The following DACH2 variants were observed in gnomAD, a reference collection of about 807,000 sequenced individuals.
DACH2 encodes the protein dachshund homolog 2.
DACH2 carries 17 observed loss-of-function variants against 35.8 expected under a neutral mutation model. That is an observed-to-expected ratio of 0.48 (90% CI 0.33 to 0.71). The LOEUF is 0.71. DACH2 is among the 30% of genes least tolerant of loss of function. The pLI is 0.02. For synonymous variants in DACH2, 195 were observed against 177.3 expected (o/e 1.10, Z -0.79); for missense variants, 469 against 472.7 (o/e 0.99, Z 0.07).
intron 2 of DACH2, among the ~76,000 whole-genome samples, chrX:86,390,150 C>T (rs753831145): frequency 9.0e-6 from 1 of 111,457 alleles, no homozygotes; most frequent in East Asian, 2.8e-4. Flanking sequence ...ATTTTGGAAT[C>T]ACCTGACAAA....
intron 1 of DACH2, among the ~76,000 whole-genome samples, chrX:86,285,953 G>C (rs2147990272): frequency 9.4e-6 from 1 of 106,500 alleles, no homozygotes; most frequent in East Asian, 3.0e-4. Context: ...TTGAAATCTA[G>C]TTTTTCTGAT....
At chrX:86,181,151 A>ACTAT (rs1435918113) in intron 1 of DACH2, among the ~76,000 whole-genome samples, 1 of 65,640 alleles carries the variant, frequency 1.5e-5, no homozygotes, top group Non-Finnish European at 2.9e-5. Context: ...CATATGTCTG[A>ACTAT]CTGTCTATCT....
rs139218982 is a variant in DACH2 at position 86,272,410 on chromosome X, C to G, written c.489-104414C>G. Among the ~76,000 whole-genome samples, 448 of 111,335 alleles carry G rather than the reference C, an allele frequency of 4.0e-3. 4 individuals are homozygous for G. The highest frequency in any genetic ancestry group is 0.014 in the African/African-American group (432 of 30,649). The stretch of plus-strand genomic sequence containing the variant: ...AGAACTAAAGGGTAGCAGTGCCTCA[C>G]ACTCCCTGCAAGTAGCTAGAGTTTA... On this transcript the variant is annotated intron_variant, in intron 1 of 11. Coordinates refer to ENST00000373125, the MANE Select transcript of DACH2 (RefSeq NM_053281.3).
At chrX:86,669,824 C>T (rs181145550) in intron 4 of DACH2, among the ~76,000 whole-genome samples, 2 of 111,174 alleles carry the variant, frequency 1.8e-5, no homozygotes, top group East Asian at 5.7e-4. Context: ...TCTGCTCACA[C>T]TGCCAAGCAG....
chrX:86,680,380 T>G (rs1379644717), intron 4 of DACH2, among the ~76,000 whole-genome samples: 1 of 111,856 alleles, frequency 8.9e-6, no homozygotes, highest in Non-Finnish European at 1.9e-5. Flanking sequence ...TTAAATTGCA[T>G]AAGTTAATCC....
chrX:86,582,879 G>A (rs2039520078), intron 3 of DACH2, among the ~76,000 whole-genome samples: 1 of 110,508 alleles, frequency 9.0e-6, no homozygotes, highest in Non-Finnish European at 1.9e-5. Flanking sequence ...GAAGCATCAC[G>A]CTGATGCCAA....
intron 1 of DACH2, among the ~76,000 whole-genome samples, chrX:86,295,119 G>T (rs1026099117): frequency 1.8e-5 from 2 of 111,698 alleles, no homozygotes; most frequent in African/African-American, 6.5e-5. Flanking sequence ...GATATAATCT[G>T]ATGCCCCGTT....
At chrX:86,727,879 A>G (rs1422612123) in intron 6 of DACH2, among the ~76,000 whole-genome samples, 1 of 112,000 alleles carries the variant, frequency 8.9e-6, no homozygotes, top group Non-Finnish European at 1.9e-5. Context: ...ATAGCGACGC[A>G]AGAAAGGCCT....
At chrX:86,289,616 C>T (rs1170176814) in intron 1 of DACH2, among the ~76,000 whole-genome samples, 2 of 89,687 alleles carry the variant, frequency 2.2e-5, no homozygotes, top group Non-Finnish European at 4.3e-5. Flanking sequence ...GTTCCCCTTC[C>T]TGTGTCCATG....
Position 86,765,241 on chromosome X carries a change from T to G in DACH2, c.1240+25359T>G, listed in dbSNP as rs7882398. ...GTTCTTTAATTTAATTAGGTGCCACTTGTCAATTTTTGTTTATGTTGCAAT... is the reference window on the plus strand; with the variant it reads ...GTTCTTTAATTTAATTAGGTGCCACGTGTCAATTTTTGTTTATGTTGCAAT... On this transcript the variant is annotated intron_variant, in intron 7 of 11. Transcript: ENST00000373125. 3.9e-3 allele frequency among the ~76,000 whole-genome samples: 442 copies of G among 111,903 alleles called. 2 individuals carry two copies. The highest frequency in any genetic ancestry group is 0.014 in the African/African-American group (423 of 30,806).
rs897479536 is a variant in DACH2, at chrX:86,453,300, C to T, written c.528-60979C>T. 1.3e-4 allele frequency among the ~76,000 whole-genome samples: 15 copies of T among 111,850 alleles called. 1 individual carries two copies. Among genetic ancestry groups the T allele is most frequent in the Admixed American group, 4.7e-4 (5 of 10,545 alleles). On this transcript the variant is annotated intron_variant, in intron 2 of 11. Coordinates refer to ENST00000373125, the MANE Select transcript of DACH2 (RefSeq NM_053281.3). ...AGAATACTGTATATTTTGCTGTTTT[C>T]GGGTGGAGAGTTCTGTCGATATCAG...
intron 2 of DACH2, among the ~76,000 whole-genome samples, chrX:86,401,642 A>G (rs1421699464): frequency 1.8e-5 from 2 of 110,332 alleles, no homozygotes; most frequent in Non-Finnish European, 3.8e-5. Flanking sequence ...ATTATTCATG[A>G]ACATGTATCA....
intron 4 of DACH2, among the ~76,000 whole-genome samples, chrX:86,659,974 C>G (rs1216068121): frequency 9.0e-6 from 1 of 111,106 alleles, no homozygotes; most frequent in Non-Finnish European, 1.9e-5. Flanking sequence ...AGGTTCTGAA[C>G]CCTTCCTTAG....
intron 1 of DACH2, among the ~76,000 whole-genome samples, chrX:86,279,332 C>G (rs1438979712): frequency 8.9e-6 from 1 of 112,070 alleles, no homozygotes; most frequent in Non-Finnish European, 1.9e-5. Context: ...TGGGATGAAG[C>G]TTCCAGAGGA....
chrX:86,574,351 C>T (rs1162170983), intron 3 of DACH2, among the ~76,000 whole-genome samples: 2 of 111,366 alleles, frequency 1.8e-5, no homozygotes, highest in Non-Finnish European at 3.8e-5. Flanking sequence ...TAAAACTATG[C>T]ATCACTAATG....
At chrX:86,445,080 T>C (rs2037237628) in intron 2 of DACH2, among the ~76,000 whole-genome samples, 1 of 111,106 alleles carries the variant, frequency 9.0e-6, no homozygotes, top group African/African-American at 3.3e-5. Context: ...TAATTCATTC[T>C]TGTTTTTATA....
chrX:86,221,273 T>A (rs922313641), intron 1 of DACH2, among the ~76,000 whole-genome samples: 1 of 112,116 alleles, frequency 8.9e-6, no homozygotes, highest in African/African-American at 3.2e-5. Context: ...CATTCTTTTA[T>A]GTGTGGTTAT....
At chrX:86,454,661 A>C (rs1018854220) in intron 2 of DACH2, among the ~76,000 whole-genome samples, 3 of 111,891 alleles carry the variant, frequency 2.7e-5, no homozygotes, top group African/African-American at 9.7e-5. Flanking sequence ...TGTTCTGGCT[A>C]TCAGCTCCTG....
intron 7 of DACH2, among the ~76,000 whole-genome samples, chrX:86,791,427 C>G (rs1010361752): frequency 6.3e-5 from 7 of 111,320 alleles, no homozygotes; most frequent in African/African-American, 2.3e-4. Context: ...GAATCAATAC[C>G]TCAAATCCTC....
Sources: allele counts gnomAD v4.1 joint callset (sites outside exome capture counted in the v4.1 genomes callset), GRCh38; gene constraint gnomAD v4.1.1; transcripts MANE v1.5; gene names NCBI Gene and HGNC (gene_info 2026-07-23, HGNC 2026-07-21).